Variants in RAB11A observed in about 807,000 individuals in gnomAD.
The protein encoded by RAB11A is RAB11A, member RAS oncogene family, also known as ras-related protein Rab-11A.
In RAB11A, 9 loss-of-function variants were observed where a neutral mutation model predicts 28.0. The ratio of observed to expected loss-of-function variants is 0.32; its 90% CI spans 0.19 to 0.56. The LOEUF (loss-of-function observed/expected upper bound fraction) is 0.56, where lower values mean the gene tolerates loss of function less well. Among genes scored for constraint, RAB11A ranks in the 20% least tolerant of loss-of-function variants. RAB11A has a pLI of 0.91. For missense variants in RAB11A, 108 were observed against 269.6 expected (o/e 0.40, Z 4.20); for synonymous variants, 85 against 88.2 (o/e 0.96, Z 0.20).
chr15:65,872,363 ATGG>A (rs1404638420), intron 1 of RAB11A, among the ~76,000 whole-genome samples: 1 of 151,188 alleles, frequency 6.6e-6, no homozygotes. Flanking sequence ...TCCATGGGTT[ATGG>A]TTTCATTTTG....
At chr15:65,879,358 A>AAG (rs559740118) in intron 3 of RAB11A, among the ~76,000 whole-genome samples, 69 of 151,660 alleles carry the variant, frequency 4.5e-4, no homozygotes, top group African/African-American at 1.5e-3. Context: ...ATTAAAGTGT[A>AAG]AGTAGGGTCG....
intron 4 of RAB11A, among the ~76,000 whole-genome samples, chr15:65,881,865 A>G (rs1036739494): frequency 2.7e-5 from 4 of 148,362 alleles, no homozygotes; most frequent in African/African-American, 1.0e-4. Context: ...CAACATGGTA[A>G]AACCCTGTCT....
intron 4 of RAB11A, among the ~76,000 whole-genome samples, chr15:65,885,695 C>T (rs578134326): frequency 6.6e-6 from 1 of 152,144 alleles, no homozygotes; most frequent in Non-Finnish European, 1.5e-5. Context: ...TTAGATTTCT[C>T]TTGTAGGAGA....
intron 4 of RAB11A, among the ~76,000 whole-genome samples, chr15:65,884,992 C>T (rs2078246733): frequency 6.8e-6 from 1 of 147,170 alleles, no homozygotes; most frequent in Non-Finnish European, 1.5e-5. Flanking sequence ...GACAGGGTCT[C>T]ACACTGTCCC....
intron 3 of RAB11A, among the ~76,000 whole-genome samples, chr15:65,878,199 G>A (rs867131347): frequency 6.6e-6 from 1 of 152,152 alleles, no homozygotes; most frequent in Non-Finnish European, 1.5e-5. Flanking sequence ...TTATGTTTCT[G>A]TGTTTACAAA....
At chr15:65,873,010 A>G (rs1327653323) in intron 1 of RAB11A, among the ~76,000 whole-genome samples, 1 of 152,204 alleles carries the variant, frequency 6.6e-6, no homozygotes, top group Non-Finnish European at 1.5e-5. Flanking sequence ...ATAAAGGGAT[A>G]TTTTGATTAA....
chr15:65,887,922 C>T lies in RAB11A; in HGVS notation c.*82C>T. 7.4e-7 allele frequency: 1 copy of T among 1,345,644 alleles called. No individual in the cohort carries two copies. The highest frequency in any genetic ancestry group is 9.8e-7 in the Non-Finnish European group (1 of 1,024,078). The allele number at this position is 1,345,644 out of a possible 1,614,324, so 83.4% of individuals were successfully genotyped here. A position where few individuals can be genotyped will look rare whatever the true frequency, so the allele number is the denominator to read the frequency against. On this transcript the variant is annotated 3_prime_UTR_variant, in exon 5 of 5. Transcript: ENST00000261890. ...TTAAATATATTTGTAATTCTTGTGT[C>T]ACTTTTGTGTTTTATTACTTCATAC...
chr15:65,877,180 C>G lies in RAB11A; in HGVS notation c.41-152C>G, dbSNP rs1223784659. ...GGTAACTGGTCAAGAACATGCTGTT[C>G]AACCCCCTACCCCCATTCCTTTTTA... On this transcript the variant is annotated intron_variant, in intron 1 of 4. Coordinates refer to ENST00000261890, the MANE Select transcript of RAB11A (RefSeq NM_004663.5). This position sits in a 1 kb window ranked among gnomAD's most constrained non-coding sequence, Gnocchi z 4.1. The G allele has an allele frequency of 3.2e-6, 2 of 629,868 alleles. No individual in the cohort carries two copies. Among genetic ancestry groups the G allele is most frequent in the Admixed American group, 3.0e-5 (1 of 33,376 alleles). 39.0% of individuals were successfully genotyped at this position (629,868 alleles called of 1,614,324 possible). A position where few individuals can be genotyped will look rare whatever the true frequency, so the allele number is the denominator to read the frequency against.
Position 65,877,606 on chromosome 15 carries a change from A to G in RAB11A, c.236+79A>G. 1 of 1,440,314 alleles carries G rather than the reference A, an allele frequency of 6.9e-7. No individual in the cohort carries two copies. Among genetic ancestry groups the G allele is most frequent in the Non-Finnish European group, 9.4e-7 (1 of 1,065,814 alleles). The allele number at this position is 1,440,314 out of a possible 1,614,324, so 89.2% of individuals were successfully genotyped here. On this transcript the variant is annotated intron_variant, in intron 2 of 4. Coordinates refer to ENST00000261890, the MANE Select transcript of RAB11A (RefSeq NM_004663.5). This position sits in a 1 kb window ranked among gnomAD's most constrained non-coding sequence, Gnocchi z 4.1. The stretch of plus-strand genomic sequence containing the variant: ...GCTGACTTTTGGTATTGGAAAAAGA[A>G]CTGTTGTTTTTTTCTTTTAAGAATT...
chr15:65,882,679 A>G (rs911090378), intron 4 of RAB11A, among the ~76,000 whole-genome samples: 7 of 152,170 alleles, frequency 4.6e-5, no homozygotes, highest in African/African-American at 1.7e-4. Context: ...CATTCTTGAC[A>G]CCCATGAATT....
intron 1 of RAB11A, among the ~76,000 whole-genome samples, chr15:65,876,694 C>G (rs917091995): frequency 2.0e-5 from 3 of 152,080 alleles, no homozygotes; most frequent in Non-Finnish European, 2.9e-5. Flanking sequence ...AGAGGGGTCT[C>G]TAACTTTGAA....
At chr15:65,870,120 G>A (rs1266275506) in intron 1 of RAB11A, 1 of 152,984 alleles carries the variant, frequency 6.5e-6, no homozygotes, top group Non-Finnish European at 1.5e-5. Context: ...CCCCCCTCGA[G>A]CGAGCGTCTC....
chr15:65,886,712 G>A (rs1231113054), intron 4 of RAB11A, among the ~76,000 whole-genome samples: 1 of 152,122 alleles, frequency 6.6e-6, no homozygotes, highest in South Asian at 2.1e-4. Context: ...ACATTCATGC[G>A]GTTATTTATT....
In RAB11A at chr15:65,879,084, C is replaced by T. The variant is rs572358704; in HGVS notation, c.431-587C>T. On this transcript the variant is annotated intron_variant, in intron 3 of 4. Coordinates refer to ENST00000261890, the MANE Select transcript of RAB11A (RefSeq NM_004663.5). Reference sequence around the variant, plus strand: ...TCAAGGCTCACTGCAGCCTCGACCTCCTGGGCTCTAGTGATCTTCCACCTC... The same window carrying T: ...TCAAGGCTCACTGCAGCCTCGACCTTCTGGGCTCTAGTGATCTTCCACCTC... 2.0e-5 allele frequency among the ~76,000 whole-genome samples: 3 copies of T among 151,498 alleles called. No individual in the cohort carries two copies. In the South Asian group the frequency reaches 6.3e-4, roughly 32 times the overall value.
At chr15:65,878,217 G>A (rs2078200817) in intron 3 of RAB11A, among the ~76,000 whole-genome samples, 1 of 152,180 alleles carries the variant, frequency 6.6e-6, no homozygotes, top group Non-Finnish European at 1.5e-5. Flanking sequence ...AAAGGCTGCT[G>A]TACGTGAGCT....
chr15:65,877,652 A>G lies in RAB11A; in HGVS notation c.237-110A>G. 1 of 1,332,136 alleles carries G rather than the reference A, an allele frequency of 7.5e-7. No homozygotes were observed. Among genetic ancestry groups the G allele is most frequent in the Non-Finnish European group, 1.0e-6 (1 of 981,346 alleles). 82.5% of individuals were successfully genotyped at this position (1,332,136 alleles called of 1,614,324 possible). On this transcript the variant is annotated intron_variant, in intron 2 of 4. Coordinates refer to ENST00000261890, the MANE Select transcript of RAB11A (RefSeq NM_004663.5). The surrounding 1 kb of genome is among the most constrained non-coding windows in gnomAD (Gnocchi z 4.1). ...GAATTCTAGTATTAGGAATCCTTAG[A>G]AATTTATTTATAAGTATGTTTTTAA...
intron 1 of RAB11A, among the ~76,000 whole-genome samples, chr15:65,870,883 A>G (rs942693066): frequency 6.6e-6 from 1 of 152,058 alleles, no homozygotes; most frequent in South Asian, 2.1e-4. Flanking sequence ...TTTTTAATCA[A>G]CGAAGATAAA....
chr15:65,881,471 C>T (rs928757687), intron 4 of RAB11A, among the ~76,000 whole-genome samples: 6 of 152,172 alleles, frequency 3.9e-5, no homozygotes, highest in Admixed American at 1.3e-4. Context: ...CATTTTAAGG[C>T]CTCAGAAAGT....
intron 1 of RAB11A, chr15:65,869,966 G>A (rs1567135567): frequency 4.3e-6 from 1 of 230,134 alleles, no homozygotes; most frequent in Non-Finnish European, 8.5e-6. Flanking sequence ...CTCTTTTCGG[G>A]TGTAGCGCCC....
Sources: allele counts gnomAD v4.1 joint callset (sites outside exome capture counted in the v4.1 genomes callset), GRCh38; gene constraint gnomAD v4.1.1; non-coding constraint Gnocchi (gnomAD v3.1); transcripts MANE v1.5; gene names NCBI Gene and HGNC (gene_info 2026-07-23, HGNC 2026-07-21).